Variants in POP1 observed in about 807,000 individuals in gnomAD.
The protein encoded by POP1 is POP1 ribonuclease P/MRP subunit.
In POP1, 75 loss-of-function variants were observed where a neutral mutation model predicts 102.2. That is an observed-to-expected ratio of 0.73 (90% CI 0.61 to 0.89). POP1 has a LOEUF of 0.89. Ranked by LOEUF, POP1 falls within the 40% of genes least tolerant of loss-of-function variation. POP1 has a pLI of 0.00. For missense variants in POP1, 1,116 were observed against 1,267.4 expected (o/e 0.88, Z 1.81); for synonymous variants, 436 against 464.1 (o/e 0.94, Z 0.78).
At chr8:98,135,978 T>A (rs1366235519) in intron 7 of POP1, among the ~76,000 whole-genome samples, 1 of 152,182 alleles carries the variant, frequency 6.6e-6, no homozygotes, top group Admixed American at 6.5e-5. Flanking sequence ...GTGCTGAGAT[T>A]ACAGACGTGA....
intron 2 of POP1, 59 bp downstream of exon 2, chr8:98,123,538 G>A: frequency 6.5e-6 from 10 of 1,537,976 alleles, no homozygotes; most frequent in Non-Finnish European, 8.0e-6. Context: ...CAGCACTTTG[G>A]GAGGCTGAAG....
chr8:98,121,299 A>AT (rs1012183849), intron 1 of POP1, among the ~76,000 whole-genome samples: 2 of 152,142 alleles, frequency 1.3e-5, no homozygotes, highest in African/African-American at 4.8e-5. Flanking sequence ...AAGTAAGTGA[A>AT]TGGGGGGTAA....
chr8:98,124,886 A>G (rs1816151678), intron 2 of POP1, among the ~76,000 whole-genome samples: 1 of 152,214 alleles, frequency 6.6e-6, no homozygotes, highest in Non-Finnish European at 1.5e-5. Context: ...AGCGGTAGAA[A>G]GTGCTAATTT....
At chr8:98,124,874 G>A in intron 2 of POP1, among the ~76,000 whole-genome samples, 1 of 152,156 alleles carries the variant, frequency 6.6e-6, no homozygotes. Context: ...GTTCATTAGG[G>A]CAGCGGTAGA....
chr8:98,126,948 A>C (rs921790661), intron 2 of POP1, among the ~76,000 whole-genome samples: 1 of 152,186 alleles, frequency 6.6e-6, no homozygotes. Context: ...AGGGATACAC[A>C]ACCTGTATCT....
At chr8:98,120,705 G>A (rs1247713847) in intron 1 of POP1, among the ~76,000 whole-genome samples, 1 of 151,186 alleles carries the variant, frequency 6.6e-6, no homozygotes, top group Non-Finnish European at 1.5e-5. Context: ...GGAGTGCAGT[G>A]GCGCGATCTC....
chr8:98,150,513 T>G lies in POP1; in HGVS notation c.1931T>G (p.Leu644Trp). Residue 644 changes from leucine to tryptophan, a missense_variant, in exon 14 of 16, where the codon TTG (leucine) becomes TGG (tryptophan). Leu to Trp is a moderately conservative substitution (Grantham distance 61, BLOSUM62 -2). Transcript: ENST00000401707. ...TATCGAGGTGTGAGAGTCGGAGGGT[T>G]GAAAGAGTCTGCAGTGCATTCTCAG... is the stretch of plus-strand genomic sequence containing the variant. ...FIYRGVRVGG[L>W]KESAVHSQYK... 1.9e-6 allele frequency: 3 copies of G among 1,614,024 alleles called. No individual in the cohort carries two copies. The highest frequency in any genetic ancestry group is 2.5e-6 in the Non-Finnish European group (3 of 1,179,978).
intron 11 of POP1, among the ~76,000 whole-genome samples, chr8:98,141,598 C>T (rs1426882123): frequency 6.7e-6 from 1 of 148,822 alleles, no homozygotes; most frequent in Admixed American, 6.7e-5. Flanking sequence ...CTTTTGTCAC[C>T]CAGGCTGGAG....
intron 11 of POP1, among the ~76,000 whole-genome samples, chr8:98,143,905 GC>G (rs1816774627): frequency 6.6e-6 from 1 of 152,064 alleles, no homozygotes; most frequent in Non-Finnish European, 1.5e-5. Flanking sequence ...TGTAATCCCA[GC>G]ACTTTGGGAG....
At chr8:98,123,879 T>C (rs925089645) in intron 2 of POP1, among the ~76,000 whole-genome samples, 1 of 152,308 alleles carries the variant, frequency 6.6e-6, no homozygotes, top group African/African-American at 2.4e-5. Flanking sequence ...GTAAATGAGC[T>C]GAATTAAAAA....
intron 5 of POP1, among the ~76,000 whole-genome samples, chr8:98,133,617 C>T (rs181814844): frequency 6.6e-6 from 1 of 152,270 alleles, no homozygotes; most frequent in East Asian, 1.9e-4. Flanking sequence ...TATGTACCCT[C>T]CGTAGAACCT....
chr8:98,150,797 G>T (rs866387972), intron 14 of POP1, among the ~76,000 whole-genome samples, 158 bp downstream of exon 14: 1 of 152,206 alleles, frequency 6.6e-6, no homozygotes, highest in Non-Finnish European at 1.5e-5. Flanking sequence ...TTACTTAAGT[G>T]AGGAGATTGT....
chr8:98,122,429 C>G (rs1174463144), intron 1 of POP1, among the ~76,000 whole-genome samples: 1 of 152,186 alleles, frequency 6.6e-6, no homozygotes, highest in Non-Finnish European at 1.5e-5. Flanking sequence ...ACCAGCTGCT[C>G]TGAGCTTCCC....
intron 11 of POP1, among the ~76,000 whole-genome samples, chr8:98,142,236 C>G (rs1816724133): frequency 6.6e-6 from 1 of 152,010 alleles, no homozygotes; most frequent in African/African-American, 2.4e-5. Flanking sequence ...TGAATCAGCT[C>G]AAGGAAAATT....
intron 11 of POP1, among the ~76,000 whole-genome samples, chr8:98,142,884 A>G (rs1237861516): frequency 2.0e-5 from 3 of 152,214 alleles, no homozygotes; most frequent in African/African-American, 7.2e-5. Context: ...GTTAGCAGCC[A>G]TGTTCTCTGC....
In POP1 at chr8:98,134,021, T is replaced by C. The variant is rs1816458801; in HGVS notation, c.808T>C (p.Cys270Arg). 1 of 1,609,754 alleles carries C rather than the reference T, an allele frequency of 6.2e-7. No homozygotes were observed. The highest frequency in any genetic ancestry group is 8.5e-7 in the Non-Finnish European group (1 of 1,176,006). ...EEILKALSGMCNIDTGLTFAA... is the reference protein window; with the variant it reads ...EEILKALSGMRNIDTGLTFAA... The stretch of plus-strand genomic sequence containing the variant: ...AATACTAAAGGCGCTTTCTGGAATG[T>C]GTAACATAGACACAGGTAAACTTGT... Residue 270 changes from cysteine to arginine, a missense_variant, in exon 6 of 16, where the codon TGT becomes CGT. Physicochemically the swap from Cys to Arg is radical, Grantham distance 180. Transcript: ENST00000401707.
rs3802195 is a variant in POP1, at chr8:98,127,980, T to G, written c.310+218T>G. 0.76 allele frequency among the ~76,000 whole-genome samples: 115,436 copies of G among 151,946 alleles called. 44,557 individuals carry two copies. The highest frequency in any genetic ancestry group is 0.89 in the South Asian group (4,254 of 4,802). ...CAGTTTCTCTCCCTGTCTCTTACTC[T>G]TCTTCTTACAAGTCTTTGTGAACTG... On this transcript the variant is annotated intron_variant, in intron 3 of 15. Coordinates refer to ENST00000401707, the MANE Select transcript of POP1 (RefSeq NM_001145860.2).
chr8:98,157,459 A>C (rs1809678801), intron 15 of POP1, among the ~76,000 whole-genome samples, 158 bp from the exon 16 acceptor site: 1 of 152,260 alleles, frequency 6.6e-6, no homozygotes, highest in South Asian at 2.1e-4. Flanking sequence ...TAAGTACTAA[A>C]ATGTACTACA....
At chr8:98,123,233 A>G in intron 1 of POP1, 103 bp from the exon 2 acceptor site, 1 of 1,372,868 alleles carries the variant, frequency 7.3e-7, no homozygotes, top group Non-Finnish European at 1.0e-6. Flanking sequence ...TCTTCCATCA[A>G]TAGACTTATT....
Sources: gnomAD v4.1 joint callset for allele counts (sites outside exome capture counted in the v4.1 genomes callset) on GRCh38, gnomAD v4.1.1 for gene constraint, MANE v1.5 for transcripts, NCBI Gene and HGNC (gene_info 2026-07-23, HGNC 2026-07-21) for gene names.